SEMA5A: variants seen among roughly 807,000 people sequenced by gnomAD.
The protein encoded by SEMA5A is semaphorin-5A.
SEMA5A carries 55 observed loss-of-function variants against 135.5 expected under a neutral mutation model. The ratio of observed to expected loss-of-function variants is 0.41; its 90% CI spans 0.33 to 0.51. SEMA5A has a LOEUF of 0.51. SEMA5A is among the 20% of genes least tolerant of loss of function. The pLI is 0.37. For missense variants in SEMA5A, 1,290 were observed against 1,419.9 expected, an observed-to-expected ratio of 0.91 and a Z score of 1.47; for synonymous variants, 580 against 546.5, an observed-to-expected ratio of 1.06 and a Z score of -0.85.
chr5:9,291,761 CT>C (rs57416491), intron 5 of SEMA5A, among the ~76,000 whole-genome samples: 7,717 of 128,052 alleles, frequency 0.06, 177 homozygotes, highest in South Asian at 0.097. Context: ...CAGCCAAGTT[CT>C]TTTTTTTTTT....
At chr5:9,163,371 T>C (rs1485764040) in intron 11 of SEMA5A, among the ~76,000 whole-genome samples, 2 of 152,220 alleles carry the variant, frequency 1.3e-5, no homozygotes, top group African/African-American at 2.4e-5. Context: ...TAGACTCTCA[T>C]GTGCATAATT....
chr5:9,394,932 AG>A (rs1756323788), intron 2 of SEMA5A, among the ~76,000 whole-genome samples: 2 of 152,190 alleles, frequency 1.3e-5, no homozygotes, highest in Admixed American at 6.5e-5. Flanking sequence ...TTAAAAATAG[AG>A]AAGAAAAACT....
chr5:9,068,161 A>G (rs940291592), intron 16 of SEMA5A, among the ~76,000 whole-genome samples: 1 of 151,842 alleles, frequency 6.6e-6, no homozygotes, highest in Non-Finnish European at 1.5e-5. Context: ...TTGGATCTCT[A>G]TCTTTCTTGT....
At chr5:9,119,211 G>A (rs1046820714) in intron 14 of SEMA5A, 70 bp from the exon 15 acceptor site, 14 of 1,556,224 alleles carry the variant, frequency 9.0e-6, no homozygotes, top group South Asian at 1.2e-5. Context: ...CTGCACCCAC[G>A]GCCAAATGCC....
chr5:9,126,729 G>T (rs1741135409), intron 13 of SEMA5A, among the ~76,000 whole-genome samples: 2 of 152,172 alleles, frequency 1.3e-5, no homozygotes, highest in African/African-American at 4.8e-5. Flanking sequence ...TGTTCAAACT[G>T]CCTTCAGGCA....
intron 1 of SEMA5A, among the ~76,000 whole-genome samples, chr5:9,462,848 A>C (rs1189744343): frequency 6.6e-6 from 1 of 152,168 alleles, no homozygotes; most frequent in Non-Finnish European, 1.5e-5. Flanking sequence ...GAAAGGAGAC[A>C]GGGGATCTGA....
At chr5:9,330,063 G>A (rs937730555) in intron 4 of SEMA5A, among the ~76,000 whole-genome samples, 3 of 151,948 alleles carry the variant, frequency 2.0e-5, no homozygotes, top group African/African-American at 7.3e-5. Context: ...CCAACTGTAT[G>A]TACTTACTTG....
In SEMA5A at chr5:9,114,540, G is replaced by A. The variant is rs1740413195; in HGVS notation, c.1925+4458C>T. On this transcript the variant is annotated intron_variant, in intron 15 of 22. Coordinates refer to ENST00000382496, the MANE Select transcript of SEMA5A (RefSeq NM_003966.3). ...ATATATTATCAGGAACTGGAAAAAGGGAGAACTGCATTACACAATGGGTGA... is the reference window on the plus strand; with the variant it reads ...ATATATTATCAGGAACTGGAAAAAGAGAGAACTGCATTACACAATGGGTGA... Among the ~76,000 whole-genome samples, 3 of 152,158 alleles carry A rather than the reference G, an allele frequency of 2.0e-5. No homozygotes were observed. The South Asian group carries it at 6.2e-4, about 32-fold the overall frequency.
At chr5:9,544,014 A>G (rs1046144892) in intron 1 of SEMA5A, among the ~76,000 whole-genome samples, 9 of 152,198 alleles carry the variant, frequency 5.9e-5, no homozygotes, top group South Asian at 2.1e-4. Context: ...TACACTCTCT[A>G]AAATAATGAA....
intron 4 of SEMA5A, among the ~76,000 whole-genome samples, chr5:9,335,404 C>T (rs1372717319): frequency 6.6e-6 from 1 of 152,178 alleles, no homozygotes; most frequent in Non-Finnish European, 1.5e-5. Flanking sequence ...TGCTCTGTGG[C>T]TTCTCACATC....
intron 8 of SEMA5A, among the ~76,000 whole-genome samples, chr5:9,211,972 C>G (rs1746368003): frequency 2.6e-5 from 4 of 152,136 alleles, no homozygotes; most frequent in Admixed American, 2.6e-4. Flanking sequence ...CTGTGGAGTT[C>G]CCTGGGAGAA....
At chr5:9,358,024 A>T (rs1208700733) in intron 3 of SEMA5A, among the ~76,000 whole-genome samples, 2 of 152,194 alleles carry the variant, frequency 1.3e-5, no homozygotes, top group African/African-American at 4.8e-5. Flanking sequence ...ACAGTGGATC[A>T]TCTGGAGTAT....
intron 11 of SEMA5A, among the ~76,000 whole-genome samples, chr5:9,178,106 T>A (rs532124121): frequency 4.6e-5 from 7 of 152,180 alleles, no homozygotes; most frequent in Non-Finnish European, 1.0e-4. Flanking sequence ...AAATGCTTCT[T>A]ATGGAGAAAA....
At chr5:9,065,137 G>A (rs1737393832) in intron 17 of SEMA5A, among the ~76,000 whole-genome samples, 2 of 152,248 alleles carry the variant, frequency 1.3e-5, no homozygotes. Flanking sequence ...ATGAGCTTGG[G>A]TAATCACTGA....
At chr5:9,464,383 G>A (rs1024595866) in intron 1 of SEMA5A, among the ~76,000 whole-genome samples, 3 of 152,020 alleles carry the variant, frequency 2.0e-5, no homozygotes, top group African/African-American at 7.2e-5. Context: ...CGTTTCCATC[G>A]GCTTAGAAAA....
chr5:9,214,860 C>T (rs1388217336), intron 8 of SEMA5A, among the ~76,000 whole-genome samples: 1 of 152,230 alleles, frequency 6.6e-6, no homozygotes, highest in African/African-American at 2.4e-5. Context: ...ATCGAGCTCA[C>T]TGCTAACTCA....
intron 13 of SEMA5A, among the ~76,000 whole-genome samples, chr5:9,129,652 T>G (rs1188113481): frequency 6.6e-6 from 1 of 152,254 alleles, no homozygotes; most frequent in Non-Finnish European, 1.5e-5. Flanking sequence ...TATCTGTAGT[T>G]GTGCTATCTT....
At chr5:9,049,842 T>C (rs1189366226) in intron 21 of SEMA5A, among the ~76,000 whole-genome samples, 1 of 152,234 alleles carries the variant, frequency 6.6e-6, no homozygotes, top group African/African-American at 2.4e-5. Context: ...CCAGATAATG[T>C]TGTCTTTGAC....
chr5:9,206,151 T>C (rs997109178), intron 8 of SEMA5A, among the ~76,000 whole-genome samples: 1 of 152,168 alleles, frequency 6.6e-6, no homozygotes, highest in Non-Finnish European at 1.5e-5. Flanking sequence ...AAATCAGGTA[T>C]TTTCTTCTTG....
Sources: allele counts gnomAD v4.1 joint callset (sites outside exome capture counted in the v4.1 genomes callset), GRCh38; gene constraint gnomAD v4.1.1; transcripts MANE v1.5; gene names NCBI Gene and HGNC (gene_info 2026-07-23, HGNC 2026-07-21).